SLC5A8: variants seen among roughly 807,000 people sequenced by gnomAD.
The protein encoded by SLC5A8 is sodium-coupled monocarboxylate transporter 1.
A neutral mutation model predicts 71.9 loss-of-function variants in SLC5A8; 55 were observed. That is an observed-to-expected ratio of 0.77 (90% CI 0.62 to 0.96). The LOEUF is 0.96. Ranked by LOEUF, SLC5A8 falls within the 40% of genes least tolerant of loss-of-function variation. The pLI, the probability that SLC5A8 is intolerant of heterozygous loss-of-function variation, is 0.00. For synonymous variants in SLC5A8, 307 were observed against 276.1 expected (o/e 1.11, Z -1.11); for missense variants, 701 against 745.3 (o/e 0.94, Z 0.69).
Position 101,193,774 on chromosome 12 carries a change from A to G in SLC5A8, c.543T>C (p.Gly181=). 1 of 1,613,948 alleles carries G rather than the reference A, an allele frequency of 6.2e-7. No homozygotes were observed. Among genetic ancestry groups the G allele is most frequent in the African/African-American group, 1.3e-5 (1 of 75,036 alleles). ...VVCTFYCTLG[G]LKAVIWTDVF... ...CATCTGTCCAGATAACTGCTTTAAG[A>G]CCACCCTTTGAGGGGAAAGTATATT... The change falls in exon 5 of 15, where the codon GGT becomes GGC. Residue 181 remains glycine (G), a synonymous_variant. Transcript: ENST00000536262.
At chr12:101,177,472 C>G (rs932455830) in intron 10 of SLC5A8, among the ~76,000 whole-genome samples, 2 of 151,434 alleles carry the variant, frequency 1.3e-5, no homozygotes, top group African/African-American at 4.9e-5. Context: ...CACACACACA[C>G]ACACACGCAT....
chr12:101,189,232 T>A (rs1868795746), intron 6 of SLC5A8, among the ~76,000 whole-genome samples: 1 of 152,156 alleles, frequency 6.6e-6, no homozygotes, highest in Non-Finnish European at 1.5e-5. Context: ...TACAATAGAC[T>A]ACTCTATCTA....
At chr12:101,208,653 T>C (rs1420827081) in intron 1 of SLC5A8, among the ~76,000 whole-genome samples, 6 of 152,046 alleles carry the variant, frequency 3.9e-5, no homozygotes, top group Non-Finnish European at 7.4e-5. Context: ...GGAAAGACAG[T>C]TTTCCTTAAT....
chr12:101,183,342 G>C (rs1199446540), intron 8 of SLC5A8, among the ~76,000 whole-genome samples: 1 of 152,044 alleles, frequency 6.6e-6, no homozygotes, highest in Non-Finnish European at 1.5e-5. Context: ...ACTACACCAG[G>C]CTCTACTATG....
chr12:101,172,646 T>C (rs777389027), intron 10 of SLC5A8, among the ~76,000 whole-genome samples: 5 of 152,044 alleles, frequency 3.3e-5, no homozygotes, highest in Non-Finnish European at 7.4e-5. Flanking sequence ...GTGAACACTG[T>C]TGGATGGTTC....
Position 101,209,857 on chromosome 12 carries a change from G to C in SLC5A8, c.-9C>G. ...CCCCGTGGCGTGTCCATGGCCGCAC[G>C]GTCGCCTGAGCCCTGCGCGCAAACT... On this transcript the variant is annotated 5_prime_UTR_variant, in exon 1 of 15. Coordinates refer to ENST00000536262, the MANE Select transcript of SLC5A8 (RefSeq NM_145913.5). 2 of 1,527,450 alleles carry C rather than the reference G, an allele frequency of 1.3e-6. No individual in the cohort carries two copies. Among genetic ancestry groups the C allele is most frequent in the Non-Finnish European group, 1.8e-6 (2 of 1,136,680 alleles). The allele number at this position is 1,527,450 out of a possible 1,614,324, so 94.6% of individuals were successfully genotyped here. A position where few individuals can be genotyped will look rare whatever the true frequency, so the allele number is the denominator to read the frequency against.
intron 1 of SLC5A8, among the ~76,000 whole-genome samples, chr12:101,204,783 C>G (rs749640390): frequency 8.5e-5 from 13 of 152,114 alleles, no homozygotes; most frequent in Non-Finnish European, 1.6e-4. Flanking sequence ...ATTCATGTAA[C>G]CCCTGTCACA....
In SLC5A8 at chr12:101,155,856, G is replaced by T. The variant is rs1428362450; in HGVS notation, c.*1423C>A. On this transcript the variant is annotated 3_prime_UTR_variant, in exon 15 of 15. Coordinates refer to ENST00000536262, the MANE Select transcript of SLC5A8 (RefSeq NM_145913.5). ...AGTTAGCAACCTCTAAATGTACAGGGCATGATTACCTAAATAACACGTATC... is the reference window on the plus strand; with the variant it reads ...AGTTAGCAACCTCTAAATGTACAGGTCATGATTACCTAAATAACACGTATC... 6.6e-6 allele frequency: 1 copy of T among 150,764 alleles called. No homozygotes were observed. The highest frequency in any genetic ancestry group is 1.5e-5 in the Non-Finnish European group (1 of 67,798). 9.3% of individuals were successfully genotyped at this position (150,764 alleles called of 1,614,324 possible). A position where few individuals can be genotyped will look rare whatever the true frequency, so the allele number is the denominator to read the frequency against.
At chr12:101,202,124 C>A in intron 3 of SLC5A8, 40 bp downstream of exon 3, 1 of 1,599,444 alleles carries the variant, frequency 6.3e-7, no homozygotes, top group Non-Finnish European at 8.6e-7. Context: ...AAAGTGAACC[C>A]CAAAATGTGA....
At chr12:101,185,544 A>G (rs1868596437) in intron 7 of SLC5A8, among the ~76,000 whole-genome samples, 1 of 152,094 alleles carries the variant, frequency 6.6e-6, no homozygotes, top group Non-Finnish European at 1.5e-5. Flanking sequence ...AGAGAAACAT[A>G]TCCTTGCTCT....
rs1229127531 is a variant in SLC5A8 at position 101,156,549 on chromosome 12, G to T, written c.*730C>A. On this transcript the variant is annotated 3_prime_UTR_variant, in exon 15 of 15. Transcript: ENST00000536262. ...TGCACAATAAAACCCAAGTTGATAG[G>T]TCAGAAACTGGGCATGCAGATAAAA... is the stretch of plus-strand genomic sequence containing the variant. 1 of 152,158 alleles carries T rather than the reference G, an allele frequency of 6.6e-6. No homozygotes were observed. Among genetic ancestry groups the T allele is most frequent in the Non-Finnish European group, 1.5e-5 (1 of 68,038 alleles). 9.4% of individuals were successfully genotyped at this position (152,158 alleles called of 1,614,324 possible).
intron 10 of SLC5A8, among the ~76,000 whole-genome samples, chr12:101,176,299 A>G (rs1316966893): frequency 1.3e-5 from 2 of 152,068 alleles, no homozygotes; most frequent in African/African-American, 4.8e-5. Flanking sequence ...TTAAGACCCA[A>G]TGCATGAAGC....
intron 4 of SLC5A8, among the ~76,000 whole-genome samples, chr12:101,194,388 C>T (rs1267757042): frequency 6.6e-6 from 1 of 152,224 alleles, no homozygotes; most frequent in Non-Finnish European, 1.5e-5. Flanking sequence ...CGGACCAGCA[C>T]ACATAATAAT....
chr12:101,179,254 A>G lies in SLC5A8; in HGVS notation c.1233+775T>C, dbSNP rs1375771642. On this transcript the variant is annotated intron_variant, in intron 10 of 14. Coordinates refer to ENST00000536262, the MANE Select transcript of SLC5A8 (RefSeq NM_145913.5). Reference sequence around the variant, plus strand: ...GAAAATAGTTTGGCAGTTTCTTTTAAAAGTAGACATTTAGCAGTCACCTGA... The same window carrying G: ...GAAAATAGTTTGGCAGTTTCTTTTAGAAGTAGACATTTAGCAGTCACCTGA... Among the ~76,000 whole-genome samples, 3 of 152,216 alleles carry G rather than the reference A, an allele frequency of 2.0e-5. No homozygotes were observed. The East Asian group carries it at 5.8e-4, about 29-fold the overall frequency.
At chr12:101,179,886 A>G in intron 10 of SLC5A8, 143 bp downstream of exon 10, 1 of 810,836 alleles carries the variant, frequency 1.2e-6, no homozygotes, top group Non-Finnish European at 2.0e-6. Context: ...TTAATTAAAA[A>G]AAATTAAAAA....
chr12:101,164,382 A>G (rs1335582768), intron 12 of SLC5A8, among the ~76,000 whole-genome samples: 1 of 152,250 alleles, frequency 6.6e-6, no homozygotes, highest in African/African-American at 2.4e-5. Flanking sequence ...AGGGAAATAC[A>G]AATTAAAACC....
chr12:101,201,880 C>A (rs1192775652), intron 3 of SLC5A8, among the ~76,000 whole-genome samples: 7 of 152,276 alleles, frequency 4.6e-5, no homozygotes, highest in Non-Finnish European at 1.0e-4. Flanking sequence ...ACTTTGGCTA[C>A]AGGGAGCTTT....
intron 8 of SLC5A8, among the ~76,000 whole-genome samples, chr12:101,183,217 T>G (rs1868450825): frequency 6.6e-6 from 1 of 151,976 alleles, no homozygotes; most frequent in East Asian, 1.9e-4. Context: ...GGCTAATTTT[T>G]TGTATTTTTA....
chr12:101,204,267 T>C (rs1194090004), intron 2 of SLC5A8, among the ~76,000 whole-genome samples: 1 of 152,228 alleles, frequency 6.6e-6, no homozygotes, highest in Admixed American at 6.5e-5. Flanking sequence ...GCTTTATCAG[T>C]ATAATATTTA....
Sources: allele counts gnomAD v4.1 joint callset (sites outside exome capture counted in the v4.1 genomes callset), GRCh38; gene constraint gnomAD v4.1.1; transcripts MANE v1.5; gene names NCBI Gene and HGNC (gene_info 2026-07-23, HGNC 2026-07-21).